The following DUSP9 variants were observed in gnomAD, a reference collection of about 807,000 sequenced individuals.
DUSP9 encodes dual specificity phosphatase 9.
In DUSP9, 4 loss-of-function variants were observed where a neutral mutation model predicts 13.2. The ratio of observed to expected loss-of-function variants is 0.30; its 90% CI spans 0.15 to 0.69. The LOEUF (loss-of-function observed/expected upper bound fraction) is 0.69. Ranked by LOEUF, DUSP9 falls within the 30% of genes least tolerant of loss-of-function variation. DUSP9 has a pLI of 0.73. For missense variants in DUSP9, 263 were observed against 355.0 expected (o/e 0.74, Z 2.08); for synonymous variants, 166 against 172.3 (o/e 0.96, Z 0.29).
Position 153,650,297 on chromosome X carries a change from C to A in DUSP9, c.1147C>A (p.Pro383Thr). The change falls in exon 4 of 4, where the codon CCC (proline) becomes ACC (threonine). Residue 383 changes from proline (P) to threonine (T), a missense_variant. Physicochemically the swap from Pro to Thr is conservative, Grantham distance 38 (BLOSUM62 -1). Coordinates refer to ENST00000342782, the MANE Select transcript of DUSP9 (RefSeq NM_001318503.2). ...PTSDGAFELA[P>T]T is the part of the protein sequence containing the mutation. ...CAGTGATGGCGCCTTCGAGCTGGCC[C>A]CCACCTAGGGCCCCGTGGCCGGCAG... 8.4e-7 allele frequency: 1 copy of A among 1,185,546 alleles called. No homozygotes were observed. The highest frequency in any genetic ancestry group is 1.1e-6 in the Non-Finnish European group (1 of 880,483).
chrX:153,646,580 G>C (rs782688683), upstream of DUSP9, among the ~76,000 whole-genome samples: 1 of 111,547 alleles, frequency 9.0e-6, no homozygotes, highest in Non-Finnish European at 1.9e-5. Flanking sequence ...TGACTCTTAG[G>C]ATCAGTAATG....
rs2091192070 is a variant in DUSP9, at chrX:153,647,343, G to A, written c.-118G>A. The A allele has an allele frequency of 8.8e-6, 1 of 113,376 alleles. No homozygotes were observed. Among genetic ancestry groups the A allele is most frequent in the South Asian group, 3.5e-4 (1 of 2,821 alleles). The allele number at this position is 113,376 out of a possible 1,213,427, so 9.3% of individuals were successfully genotyped here. A position where few individuals can be genotyped will look rare whatever the true frequency, so the allele number is the denominator to read the frequency against. On this transcript the variant is annotated 5_prime_UTR_variant, in exon 1 of 4. Coordinates refer to ENST00000342782, the MANE Select transcript of DUSP9 (RefSeq NM_001318503.2). ...CCAGGCCTGGGGACTCTCTGCCGCG[G>A]GACGGCGCCTCGCGTTCCGCCGTGG...
chrX:153,650,218 TG>T lies in DUSP9; in HGVS notation c.1074del (p.Gln359ArgfsTer77). 8.3e-7 allele frequency: 1 copy of T among 1,211,320 alleles called. No individual in the cohort carries two copies. Among genetic ancestry groups the T allele is most frequent in the Non-Finnish European group, 1.1e-6 (1 of 895,360 alleles). On this transcript the variant is annotated frameshift_variant, in exon 4 of 4. Transcript: ENST00000342782. LOFTEE classifies it low-confidence loss of function (END_TRUNC). ...EERHSQEQGS[G>X]GQASAASNPP... The stretch of plus-strand genomic sequence containing the variant: ...AGCGCCACTCGCAGGAGCAGGGCAG[TG>T]GGGGGCAGGCATCTGCGGCCTCCAA...
Position 153,650,220 on chromosome X carries a change from G to T in DUSP9, c.1070G>T (p.Gly357Val). The T allele has an allele frequency of 8.3e-7, 1 of 1,211,789 alleles. No homozygotes were observed. Among genetic ancestry groups the T allele is most frequent in the African/African-American group, 1.7e-5 (1 of 57,987 alleles). Reference protein sequence around the residue: ...EERHSQEQGSGGQASAASNPP... With the variant: ...EERHSQEQGSVGQASAASNPP... ...CGCCACTCGCAGGAGCAGGGCAGTGGGGGGCAGGCATCTGCGGCCTCCAAC... is the reference window on the plus strand; with the variant it reads ...CGCCACTCGCAGGAGCAGGGCAGTGTGGGGCAGGCATCTGCGGCCTCCAAC... The change falls in exon 4 of 4, where the codon GGG (glycine) becomes GTG (valine). Residue 357 changes from glycine (G) to valine (V), a missense_variant. By Grantham distance (109) the Gly-to-Val change is moderately radical. Transcript: ENST00000342782.
chrX:153,649,193 A>G (rs1308143538), intron 2 of DUSP9, 39 bp from the exon 3 acceptor site: 1 of 1,177,354 alleles, frequency 8.5e-7, no homozygotes, highest in Non-Finnish European at 1.2e-6. Context: ...GGCTGCCCAG[A>G]AGGCCAGGTC....
upstream of DUSP9, among the ~76,000 whole-genome samples, chrX:153,643,263 T>C (rs2091175525): frequency 9.1e-6 from 1 of 110,139 alleles, no homozygotes; most frequent in Non-Finnish European, 1.9e-5. Context: ...CTCTCCAGCA[T>C]CCTGCCCCGC....
chrX:153,644,087 G>T (rs182705801), upstream of DUSP9, among the ~76,000 whole-genome samples: 710 of 111,747 alleles, frequency 6.4e-3, 17 homozygotes, highest in Admixed American at 0.045. Flanking sequence ...CATGTGACCC[G>T]GCCGCGACAG....
upstream of DUSP9, among the ~76,000 whole-genome samples, chrX:153,644,946 C>A (rs782218174): frequency 2.5e-4 from 28 of 112,955 alleles, no homozygotes; most frequent in Non-Finnish European, 4.3e-4. Flanking sequence ...CAGCTCCCTG[C>A]TGGTCACAGC....
Position 153,650,422 on chromosome X carries a change from G to C in DUSP9, c.*117G>C, listed in dbSNP as rs1051363909. ...CTCGGCCTGAGCAGGGTGCTGGGGGGAGAGCGCAATACCTCACGCGGGCTG... is the reference window on the plus strand; with the variant it reads ...CTCGGCCTGAGCAGGGTGCTGGGGGCAGAGCGCAATACCTCACGCGGGCTG... On this transcript the variant is annotated 3_prime_UTR_variant, in exon 4 of 4. Coordinates refer to ENST00000342782, the MANE Select transcript of DUSP9 (RefSeq NM_001318503.2). The C allele has an allele frequency of 1.1e-5, 6 of 562,780 alleles. No homozygotes were observed. The highest frequency in any genetic ancestry group is 7.0e-5 in the African/African-American group (3 of 43,086). The allele number at this position is 562,780 out of a possible 1,213,427, so 46.4% of individuals were successfully genotyped here.
upstream of DUSP9, among the ~76,000 whole-genome samples, chrX:153,643,743 G>A (rs1273249096): frequency 8.9e-6 from 1 of 112,900 alleles, no homozygotes; most frequent in Non-Finnish European, 1.9e-5. Context: ...GTGTGTGCAC[G>A]TGTGCTTGTG....
At position 153,650,609 on chromosome X, in the gene DUSP9, C is replaced by A. The variant is rs781826244; in HGVS notation, c.*304C>A. 7.5e-5 allele frequency: 21 copies of A among 280,934 alleles called. No homozygotes were observed. The highest frequency in any genetic ancestry group is 2.0e-3 in the Middle Eastern group (2 of 998). The allele number at this position is 280,934 out of a possible 1,213,427, so 23.2% of individuals were successfully genotyped here. A position where few individuals can be genotyped will look rare whatever the true frequency, so the allele number is the denominator to read the frequency against. On this transcript the variant is annotated 3_prime_UTR_variant, in exon 4 of 4. Transcript: ENST00000342782. ...GCTCAGCCAGCTCGGCTAGGCCCTG[C>A]GCCTCCCTGCGCTTCCCCCTTCAGG...
In DUSP9 at chrX:153,648,007, G is replaced by A. The variant is rs2091195137; in HGVS notation, c.54G>A (p.Pro18=). 1 of 1,103,653 alleles carries A rather than the reference G, an allele frequency of 9.1e-7. No individual in the cohort carries two copies. Among genetic ancestry groups the A allele is most frequent in the Non-Finnish European group, 1.2e-6 (1 of 849,638 alleles). The allele number at this position is 1,103,653 out of a possible 1,213,427, so 91.0% of individuals were successfully genotyped here. A position where few individuals can be genotyped will look rare whatever the true frequency, so the allele number is the denominator to read the frequency against. The part of the protein sequence containing the change: ...CLWLRRELSP[P]RPRLLLLDCR... ...GGCTGCGTCGGGAGCTGTCGCCCCCGCGGCCGCGGCTCCTGCTCCTGGACT... is the reference window on the plus strand; with the variant it reads ...GGCTGCGTCGGGAGCTGTCGCCCCCACGGCCGCGGCTCCTGCTCCTGGACT... Residue 18 remains proline, a synonymous_variant, in exon 2 of 4, where the codon CCG becomes CCA. Transcript: ENST00000342782.
Position 153,650,185 on chromosome X carries a change from G to C in DUSP9, c.1035G>C (p.Arg345=). 1 of 1,212,187 alleles carries C rather than the reference G, an allele frequency of 8.2e-7. No individual in the cohort carries two copies. The highest frequency in any genetic ancestry group is 1.8e-5 in the South Asian group (1 of 57,068). Residue 345 remains arginine, a synonymous_variant, in exon 4 of 4, where the codon CGG becomes CGC. Transcript: ENST00000342782. ...TGCTGGACTTTGAGCGCAGCTTGCG[G>C]CTGGAGGAGCGCCACTCGCAGGAGC... ...GQLLDFERSL[R]LEERHSQEQG...
upstream of DUSP9, chrX:153,643,333 C>A (rs183107125): frequency 3.8e-4 from 106 of 278,667 alleles, no homozygotes; most frequent in African/African-American, 2.9e-3. Context: ...CCCTCCCTCA[C>A]CCCCAACACC....
At chrX:153,648,987 C>T (rs2091200694) in intron 2 of DUSP9, among the ~76,000 whole-genome samples, 1 of 112,316 alleles carries the variant, frequency 8.9e-6, no homozygotes, top group African/African-American at 3.2e-5. Context: ...CTCAGCTTGA[C>T]CCTAGGGGTG....
At position 153,650,586 on chromosome X, in the gene DUSP9, T is replaced by C. The variant is rs1277582437; in HGVS notation, c.*281T>C. On this transcript the variant is annotated 3_prime_UTR_variant, in exon 4 of 4. Transcript: ENST00000342782. ...AGGCCCAGGTCCCGGCCCTGGGTGC[T>C]CAGCCAGCTCGGCTAGGCCCTGCGC... is the stretch of plus-strand genomic sequence containing the variant. 9 of 337,629 alleles carry C rather than the reference T, an allele frequency of 2.7e-5. No individual in the cohort carries two copies. The highest frequency in any genetic ancestry group is 4.1e-5 in the Non-Finnish European group (8 of 194,434). 27.8% of individuals were successfully genotyped at this position (337,629 alleles called of 1,213,427 possible).
chrX:153,649,867 C>G lies in DUSP9; in HGVS notation c.830-113C>G. On this transcript the variant is annotated intron_variant, in intron 3 of 3. Transcript: ENST00000342782. ...GAGGCCACTAGAGAAACCTGCAGGT[C>G]GTGGCCATCTGGCCCAGGGGGCAGG... is the stretch of plus-strand genomic sequence containing the variant. The G allele has an allele frequency of 5.1e-6, 5 of 977,348 alleles. No homozygotes were observed. In the Middle Eastern group the frequency reaches 1.5e-3, roughly 297 times the overall value. 80.5% of individuals were successfully genotyped at this position (977,348 alleles called of 1,213,427 possible). A position where few individuals can be genotyped will look rare whatever the true frequency, so the allele number is the denominator to read the frequency against.
rs1297481593 is a variant in DUSP9, at chrX:153,648,190, C to T, written c.237C>T (p.Leu79=). 3 of 1,047,204 alleles carry T rather than the reference C, an allele frequency of 2.9e-6. No homozygotes were observed. Among genetic ancestry groups the T allele is most frequent in the Admixed American group, 4.6e-5 (1 of 21,734 alleles). The allele number at this position is 1,047,204 out of a possible 1,213,427, so 86.3% of individuals were successfully genotyped here. The change falls in exon 2 of 4, where the codon CTC becomes CTT. Residue 79 remains leucine, a synonymous_variant. Transcript: ENST00000342782. ...AGCCGCCCCCGCCTGCCCCCGTGCT[C>T]CTGTACGACCAGGGCGGGGGCCGGC... is the stretch of plus-strand genomic sequence containing the variant. ...PLQPPPPAPV[L]LYDQGGGRRR... is the part of the protein sequence containing the mutation.
At position 153,647,412 on chromosome X, in the gene DUSP9, G is replaced by A. The variant is rs1167143534; in HGVS notation, c.-49G>A. 1.8e-5 allele frequency: 2 copies of A among 112,330 alleles called. No individual in the cohort carries two copies. Among genetic ancestry groups the A allele is most frequent in the African/African-American group, 3.2e-5 (1 of 30,976 alleles). 9.3% of individuals were successfully genotyped at this position (112,330 alleles called of 1,213,427 possible). A position where few individuals can be genotyped will look rare whatever the true frequency, so the allele number is the denominator to read the frequency against. ...CGTCCACGCGCGGTCGTCCACCGCC[G>A]GATCTCGCTCCAGGTCTCTTTCCTT... On this transcript the variant is annotated 5_prime_UTR_variant, in exon 1 of 4. Transcript: ENST00000342782.
Sources: allele counts gnomAD v4.1 joint callset (sites outside exome capture counted in the v4.1 genomes callset), GRCh38; gene constraint gnomAD v4.1.1; transcripts MANE v1.5; gene names NCBI Gene and HGNC (gene_info 2026-07-23, HGNC 2026-07-21).